The following FHIP1A variants were observed in gnomAD, a reference collection of about 807,000 sequenced individuals.
FHIP1A encodes the protein FHF complex subunit HOOK-interacting protein 1A.
Under a neutral mutation model 88.6 loss-of-function variants are expected in FHIP1A, and 61 were observed. The observed-to-expected ratio is 0.69, with a 90% CI of 0.56 to 0.85. The LOEUF (loss-of-function observed/expected upper bound fraction) is 0.85. FHIP1A is among the 40% of genes least tolerant of loss of function. The probability of loss-of-function intolerance (pLI) is 0.00; values close to 1 mark genes in which losing one functional copy is unlikely to be tolerated. For missense variants in FHIP1A, 1,154 were observed against 1,273.5 expected, an observed-to-expected ratio of 0.91 and a Z score of 1.43; for synonymous variants, 478 against 496.0, an observed-to-expected ratio of 0.96 and a Z score of 0.48.
chr4:151,649,930 G>T lies in FHIP1A; in HGVS notation c.1889G>T (p.Gly630Val), dbSNP rs1019149383. 1.9e-6 allele frequency: 3 copies of T among 1,551,270 alleles called. No individual in the cohort carries two copies. The highest frequency in any genetic ancestry group is 2.0e-5 in the Admixed American group (1 of 50,964). Residue 630 changes from glycine to valine, a missense_variant, in exon 11 of 14, where the codon GGG becomes GTG. Transcript: ENST00000435205. ...AAGAATGCCCTCCTGCTCTTCAAAG[G>T]GTCCTACATAGAAGAGTCGGACTTT... ...MKKNALLLFK[G>V]SYIEESDFQD...
intron 3 of FHIP1A, among the ~76,000 whole-genome samples, chr4:151,546,946 G>A (rs1025961236): frequency 5.9e-5 from 9 of 152,086 alleles, no homozygotes; most frequent in African/African-American, 1.9e-4. Context: ...CATTCTCCTT[G>A]GTCCCCACTT....
intron 7 of FHIP1A, among the ~76,000 whole-genome samples, chr4:151,613,113 G>T (rs2126850402): frequency 6.6e-6 from 1 of 152,168 alleles, no homozygotes; most frequent in South Asian, 2.1e-4. Context: ...TTACAATCTT[G>T]GTTTTTCAAC....
At chr4:151,483,762 C>G (rs1729982447) in intron 3 of FHIP1A, among the ~76,000 whole-genome samples, 2 of 152,088 alleles carry the variant, frequency 1.3e-5, no homozygotes, top group Admixed American at 1.3e-4. Flanking sequence ...CTAACCTTCC[C>G]TTCCCCCTAG....
intron 7 of FHIP1A, among the ~76,000 whole-genome samples, chr4:151,606,151 T>TGAA (rs763364304): frequency 6.6e-6 from 1 of 152,224 alleles, no homozygotes; most frequent in Non-Finnish European, 1.5e-5. Flanking sequence ...CTGTCCGTTC[T>TGAA]TCCTCATGCC....
At chr4:151,541,153 G>A (rs369896233) in intron 3 of FHIP1A, among the ~76,000 whole-genome samples, 1 of 152,122 alleles carries the variant, frequency 6.6e-6, no homozygotes, top group Non-Finnish European at 1.5e-5. Context: ...TCTTGCATTA[G>A]TAACAAAAAG....
intron 1 of FHIP1A, among the ~76,000 whole-genome samples, chr4:151,441,931 C>A (rs1728426981): frequency 6.6e-6 from 1 of 152,142 alleles, no homozygotes; most frequent in African/African-American, 2.4e-5. Context: ...CTTTCCAAAT[C>A]TTGAACGATT....
intron 1 of FHIP1A, among the ~76,000 whole-genome samples, chr4:151,435,691 A>G (rs1474773675): frequency 6.6e-6 from 1 of 152,040 alleles, no homozygotes; most frequent in Non-Finnish European, 1.5e-5. Context: ...AGGCTGAAGC[A>G]GGAGAATCGC....
chr4:151,586,688 G>C lies in FHIP1A; in HGVS notation c.780G>C (p.Lys260Asn), dbSNP rs992806815. 1 of 1,551,080 alleles carries C rather than the reference G, an allele frequency of 6.4e-7. No homozygotes were observed. Among genetic ancestry groups the C allele is most frequent in the Non-Finnish European group, 8.7e-7 (1 of 1,146,640 alleles). ...LSGLYSSLPTKLEEKGEEWHC... is the reference protein window; with the variant it reads ...LSGLYSSLPTNLEEKGEEWHC... ...GTCTCTACTCTTCCCTGCCTACAAAGCTAGAAGAGAAAGGCGAGGAATGGC... is the reference window on the plus strand; with the variant it reads ...GTCTCTACTCTTCCCTGCCTACAAACCTAGAAGAGAAAGGCGAGGAATGGC... The change falls in exon 6 of 14, where the codon AAG becomes AAC. Residue 260 changes from lysine (K) to asparagine (N), a missense_variant. Coordinates refer to ENST00000435205, the MANE Select transcript of FHIP1A (RefSeq NM_001109977.3).
intron 6 of FHIP1A, among the ~76,000 whole-genome samples, chr4:151,587,131 C>T (rs1030406680): frequency 1.3e-5 from 2 of 152,050 alleles, no homozygotes; most frequent in African/African-American, 4.8e-5. Context: ...CAGATTATAC[C>T]GCTTTTACTT....
At chr4:151,637,146 GC>G (rs1035946260) in intron 8 of FHIP1A, among the ~76,000 whole-genome samples, 1 of 152,056 alleles carries the variant, frequency 6.6e-6, no homozygotes, top group African/African-American at 2.4e-5. Context: ...CACACCTCAT[GC>G]CATATACAAA....
chr4:151,539,904 A>G (rs941922713), intron 3 of FHIP1A, among the ~76,000 whole-genome samples: 1 of 152,258 alleles, frequency 6.6e-6, no homozygotes, highest in African/African-American at 2.4e-5. Context: ...ATTGGTGTCA[A>G]ATTGGATGTG....
At chr4:151,418,887 T>A (rs1733004745) in intron 1 of FHIP1A, among the ~76,000 whole-genome samples, 1 of 152,188 alleles carries the variant, frequency 6.6e-6, no homozygotes, top group African/African-American at 2.4e-5. Context: ...AATTATAATA[T>A]TTTTCATTTT....
At position 151,539,562 on chromosome 4, in the gene FHIP1A, TAA is replaced by T. The variant is rs1215200409; in HGVS notation, c.-122-26553_-122-26552del. Among the ~76,000 whole-genome samples, 825 of 102,556 alleles carry T rather than the reference TAA, an allele frequency of 8.0e-3. 8 individuals carry two copies. The highest frequency in any genetic ancestry group is 0.028 in the African/African-American group (705 of 25,454). The allele number at this position is 102,556 out of a possible 152,430, so 67.3% of individuals were successfully genotyped here. On this transcript the variant is annotated intron_variant, in intron 3 of 13. Transcript: ENST00000435205. ...CTGGGTGGCAGAGGGAGACTCTGTC[TAA>T]AAAAAAAAAAAAAAAAAAAAAATAC...
In FHIP1A at chr4:151,656,218, T is replaced by G. The variant is rs1332173782; in HGVS notation, c.2552-14T>G. On this transcript the variant is annotated splice_polypyrimidine_tract_variant and intron_variant, in intron 11 of 13. Transcript: ENST00000435205. This position sits in a 1 kb window ranked among gnomAD's most constrained non-coding sequence, Gnocchi z 4.2. ...GAGCCCAGCCAGCCCTGAAGCCTTG[T>G]GTTCTTCCTGCAGGCCCATTCATCA... is the stretch of plus-strand genomic sequence containing the variant. The G allele has an allele frequency of 6.5e-7, 1 of 1,549,772 alleles. No homozygotes were observed. The highest frequency in any genetic ancestry group is 2.0e-5 in the Admixed American group (1 of 50,992).
At chr4:151,637,585 C>T (rs1226843424) in intron 8 of FHIP1A, among the ~76,000 whole-genome samples, 2 of 152,128 alleles carry the variant, frequency 1.3e-5, no homozygotes, top group Non-Finnish European at 2.9e-5. Context: ...GGAAACCTAA[C>T]TGAGCTGGGG....
At chr4:151,433,057 G>C (rs1733654986) in intron 1 of FHIP1A, among the ~76,000 whole-genome samples, 1 of 152,096 alleles carries the variant, frequency 6.6e-6, no homozygotes, top group Admixed American at 6.6e-5. Flanking sequence ...TAGACTTTTG[G>C]CAAGTTCAAG....
intron 2 of FHIP1A, among the ~76,000 whole-genome samples, chr4:151,456,760 T>C (rs1255251904): frequency 6.6e-6 from 1 of 152,130 alleles, no homozygotes; most frequent in Non-Finnish European, 1.5e-5. Context: ...ATGATTTTGA[T>C]TGCATTTACA....
chr4:151,515,387 G>C (rs1203652151), intron 3 of FHIP1A, among the ~76,000 whole-genome samples: 3 of 150,644 alleles, frequency 2.0e-5, no homozygotes, highest in South Asian at 2.1e-4. Context: ...CCTTTGAAAA[G>C]TGGCACAAGA....
chr4:151,633,228 A>G (rs1277512845), intron 8 of FHIP1A, among the ~76,000 whole-genome samples: 3 of 151,922 alleles, frequency 2.0e-5, no homozygotes, highest in Non-Finnish European at 2.9e-5. Context: ...CATTCTTAGA[A>G]ACATATAGCC....
Sources: allele counts gnomAD v4.1 joint callset (sites outside exome capture counted in the v4.1 genomes callset), GRCh38; gene constraint gnomAD v4.1.1; non-coding constraint Gnocchi (gnomAD v3.1); transcripts MANE v1.5; gene names NCBI Gene and HGNC (gene_info 2026-07-23, HGNC 2026-07-21).